Variants in PSMA1 observed in about 807,000 individuals in gnomAD.
PSMA1 encodes proteasome subunit alpha type-1.
PSMA1 carries 3 observed loss-of-function variants against 38.4 expected under a neutral mutation model. The observed-to-expected ratio is 0.08, with a 90% CI of 0.04 to 0.20. The LOEUF is 0.20. PSMA1 is among the 10% of genes least tolerant of loss of function. The probability of loss-of-function intolerance (pLI) is 1.00; values close to 1 mark genes in which losing one functional copy is unlikely to be tolerated. For missense variants in PSMA1, 227 were observed against 325.3 expected, an observed-to-expected ratio of 0.70 and a Z score of 2.32; for synonymous variants, 101 against 107.1, an observed-to-expected ratio of 0.94 and a Z score of 0.35.
intron 2 of PSMA1, among the ~76,000 whole-genome samples, chr11:14,551,194 T>C (rs1037923075): frequency 1.3e-5 from 2 of 152,248 alleles, no homozygotes; most frequent in Admixed American, 1.3e-4. Context: ...TAAGACAGTT[T>C]CTTTGCTTGG....
In PSMA1 at chr11:14,512,390, A is replaced by G. The variant is rs571783747; in HGVS notation, c.544+1180T>C. ...ACCCCGTCTCAGGAAAAAAAAAAAA[A>G]GAATTAAATACCTAAATAAATGAAG... On this transcript the variant is annotated intron_variant, in intron 7 of 9. Transcript: ENST00000396394. 6.2e-3 allele frequency among the ~76,000 whole-genome samples: 946 copies of G among 152,222 alleles called. 9 individuals carry two copies. The highest frequency in any genetic ancestry group is 0.022 in the African/African-American group (909 of 41,544).
chr11:14,590,378 G>GT (rs544895926), intron 2 of PSMA1, among the ~76,000 whole-genome samples: 36 of 152,022 alleles, frequency 2.4e-4, no homozygotes, highest in South Asian at 1.2e-3. Flanking sequence ...GAAAAACAGG[G>GT]TTTTTTTTGT....
At chr11:14,509,089 A>G (rs1006661230) in intron 8 of PSMA1, among the ~76,000 whole-genome samples, 1 of 152,148 alleles carries the variant, frequency 6.6e-6, no homozygotes, top group African/African-American at 2.4e-5. Flanking sequence ...ACCACTCTCC[A>G]TGGAACTCCA....
chr11:14,570,100 T>C (rs1852120074), intron 2 of PSMA1, among the ~76,000 whole-genome samples: 1 of 152,184 alleles, frequency 6.6e-6, no homozygotes, highest in African/African-American at 2.4e-5. Flanking sequence ...ACAAAGAGGA[T>C]TTGGAGTGGA....
intron 7 of PSMA1, among the ~76,000 whole-genome samples, chr11:14,513,264 G>A (rs1851372834): frequency 6.6e-6 from 1 of 152,152 alleles, no homozygotes; most frequent in East Asian, 1.9e-4. Flanking sequence ...CTGGCAGGTA[G>A]TACAGTGGTT....
At chr11:14,510,474 T>C (rs1851326489) in intron 8 of PSMA1, among the ~76,000 whole-genome samples, 1 of 152,200 alleles carries the variant, frequency 6.6e-6, no homozygotes. Flanking sequence ...AATGTACTTA[T>C]GTATATACTG....
intron 2 of PSMA1, among the ~76,000 whole-genome samples, chr11:14,550,769 T>G (rs1851876946): frequency 6.6e-6 from 1 of 152,060 alleles, no homozygotes; most frequent in Non-Finnish European, 1.5e-5. Context: ...TATAATTTAT[T>G]ATTATTAATT....
At chr11:14,567,634 C>T (rs574127054) in intron 2 of PSMA1, among the ~76,000 whole-genome samples, 9 of 152,274 alleles carry the variant, frequency 5.9e-5, no homozygotes, top group South Asian at 4.1e-4. Context: ...TACAGATATG[C>T]GCAGATCCGT....
intron 2 of PSMA1, among the ~76,000 whole-genome samples, chr11:14,584,492 T>C (rs1026469152): frequency 6.7e-6 from 1 of 149,766 alleles, no homozygotes; most frequent in Non-Finnish European, 1.5e-5. Context: ...GTTTGGAGTG[T>C]TTTTTTTGTT....
chr11:14,575,948 C>A (rs978389179), intron 2 of PSMA1, among the ~76,000 whole-genome samples: 1 of 152,150 alleles, frequency 6.6e-6, no homozygotes, highest in Non-Finnish European at 1.5e-5. Context: ...TAATGATCAC[C>A]ATTCTAACTG....
chr11:14,574,248 C>T (rs1253936739), intron 2 of PSMA1, among the ~76,000 whole-genome samples: 1 of 152,208 alleles, frequency 6.6e-6, no homozygotes, highest in Non-Finnish European at 1.5e-5. Context: ...ACAACAGCCT[C>T]TCTTATCACA....
At chr11:14,601,358 A>C (rs1852578369) in intron 2 of PSMA1, among the ~76,000 whole-genome samples, 1 of 152,196 alleles carries the variant, frequency 6.6e-6, no homozygotes, top group South Asian at 2.1e-4. Flanking sequence ...TCCTAAACTA[A>C]GTTCTAGCCT....
At chr11:14,539,110 A>G (rs1183324212) in intron 2 of PSMA1, among the ~76,000 whole-genome samples, 1 of 152,220 alleles carries the variant, frequency 6.6e-6, no homozygotes, top group East Asian at 1.9e-4. Flanking sequence ...ATTTCAACAG[A>G]AGGTAATACA....
At chr11:14,512,993 A>G (rs1851369926) in intron 7 of PSMA1, among the ~76,000 whole-genome samples, 1 of 152,336 alleles carries the variant, frequency 6.6e-6, no homozygotes, top group African/African-American at 2.4e-5. Context: ...CTAAACCCCA[A>G]ATATTTCCTC....
intron 2 of PSMA1, among the ~76,000 whole-genome samples, chr11:14,565,266 GT>G (rs1852056234): frequency 6.6e-6 from 1 of 152,036 alleles, no homozygotes. Context: ...ATATTAGAAA[GT>G]TGTGTCTTTT....
At chr11:14,574,023 C>T (rs1041264171) in intron 2 of PSMA1, among the ~76,000 whole-genome samples, 1 of 151,912 alleles carries the variant, frequency 6.6e-6, no homozygotes, top group Non-Finnish European at 1.5e-5. Flanking sequence ...TATGCATGAA[C>T]AAAGAAATAA....
chr11:14,555,977 C>T (rs1851937419), intron 2 of PSMA1, among the ~76,000 whole-genome samples: 2 of 152,222 alleles, frequency 1.3e-5, no homozygotes, highest in African/African-American at 4.8e-5. Flanking sequence ...TCACTGACTT[C>T]TCTTCTGGAT....
chr11:14,623,544 G>A (rs1320723013), intron 1 of PSMA1, among the ~76,000 whole-genome samples: 1 of 152,180 alleles, frequency 6.6e-6, no homozygotes, highest in Non-Finnish European at 1.5e-5. Flanking sequence ...TTTAGAGAAG[G>A]AGTTCTGGGG....
At position 14,517,997 on chromosome 11, in the gene PSMA1, AC is replaced by A. The variant is rs762112086; in HGVS notation, c.49-17del. ...GAATCCTGCCCTAAAGAAAAAAAAA[AC>A]AAAAAACACACATCTTAGAAGATCT... On this transcript the variant is annotated splice_polypyrimidine_tract_variant and intron_variant, in intron 2 of 9. Coordinates refer to ENST00000396394, the MANE Select transcript of PSMA1 (RefSeq NM_002786.4). 6.0e-6 allele frequency: 9 copies of A among 1,505,064 alleles called. No homozygotes were observed. Among genetic ancestry groups the A allele is most frequent in the African/African-American group, 5.7e-5 (4 of 70,746 alleles). The allele number at this position is 1,505,064 out of a possible 1,614,324, so 93.2% of individuals were successfully genotyped here. A position where few individuals can be genotyped will look rare whatever the true frequency, so the allele number is the denominator to read the frequency against.
Sources: allele counts gnomAD v4.1 joint callset (sites outside exome capture counted in the v4.1 genomes callset), GRCh38; gene constraint gnomAD v4.1.1; transcripts MANE v1.5; gene names NCBI Gene and HGNC (gene_info 2026-07-23, HGNC 2026-07-21).